Variants in SPINT2 observed in about 807,000 individuals in gnomAD.
SPINT2 encodes the protein kunitz-type protease inhibitor 2.
Under a neutral mutation model 30.1 loss-of-function variants are expected in SPINT2, and 18 were observed. That is an observed-to-expected ratio of 0.60 (90% CI 0.41 to 0.89). The LOEUF (loss-of-function observed/expected upper bound fraction) is 0.89, where lower values mean the gene tolerates loss of function less well. Among genes scored for constraint, SPINT2 ranks in the 40% least tolerant of loss-of-function variants. The probability of loss-of-function intolerance (pLI) is 0.00; values close to 1 mark genes in which losing one functional copy is unlikely to be tolerated. For synonymous variants in SPINT2, 139 were observed against 137.9 expected (o/e 1.01, Z -0.05); for missense variants, 276 against 334.3 (o/e 0.83, Z 1.36).
At chr19:38,280,846 G>A (rs1403853940) in intron 1 of SPINT2, among the ~76,000 whole-genome samples, 2 of 152,192 alleles carry the variant, frequency 1.3e-5, no homozygotes, top group Non-Finnish European at 2.9e-5. Flanking sequence ...CATGCCATAT[G>A]ATTCACCCAT....
In SPINT2 at chr19:38,283,628, C is replaced by T. The variant is rs1968605968; in HGVS notation, c.108C>T (p.Asp36=). Residue 36 remains aspartate, a splice_region_variant and synonymous_variant, in exon 2 of 7, where the codon GAC becomes GAT. Transcript: ENST00000301244. ...ACCGGGTTGTGCTTCGCGTTTCAGA[C>T]TTCTGCCTGGTGTCGAAGGTGGTGG... ...LAADRERSIH[D]FCLVSKVVGR... 4 of 1,614,076 alleles carry T rather than the reference C, an allele frequency of 2.5e-6. No individual in the cohort carries two copies. The highest frequency in any genetic ancestry group is 3.4e-6 in the Non-Finnish European group (4 of 1,180,016).
At position 38,283,526 on chromosome 19, in the gene SPINT2, A is replaced by C. The variant is rs1427150115; in HGVS notation, c.107-101A>C. On this transcript the variant is annotated intron_variant, in intron 1 of 6. Transcript: ENST00000301244. Reference sequence around the variant, plus strand: ...GCTCACAGGGGAACTGCTGGAACTCAAGGCTCTGGTTCTCCTGGGGGATCC... The same window carrying C: ...GCTCACAGGGGAACTGCTGGAACTCCAGGCTCTGGTTCTCCTGGGGGATCC... The C allele has an allele frequency of 1.0e-5, 15 of 1,485,554 alleles. No individual in the cohort carries two copies. In the South Asian group the frequency reaches 1.0e-4, roughly 10 times the overall value. 92.0% of individuals were successfully genotyped at this position (1,485,554 alleles called of 1,614,324 possible).
At chr19:38,288,269 C>A in intron 3 of SPINT2, 1 of 434,288 alleles carries the variant, frequency 2.3e-6, no homozygotes, top group South Asian at 2.1e-5. Flanking sequence ...GCTGACCCCA[C>A]TCCCCACCCA....
chr19:38,268,955 T>C, intron 1 of SPINT2, among the ~76,000 whole-genome samples: 1 of 152,184 alleles, frequency 6.6e-6, no homozygotes, highest in Admixed American at 6.5e-5. Context: ...CTCAGCAGAA[T>C]AGAAACTTGA....
intron 2 of SPINT2, among the ~76,000 whole-genome samples, chr19:38,286,279 C>T (rs1027606633): frequency 1.3e-5 from 2 of 152,176 alleles, no homozygotes; most frequent in Admixed American, 6.5e-5. Context: ...AGCAGGCACT[C>T]GTGTCCCCGG....
chr19:38,291,655 C>T, intron 6 of SPINT2, 185 bp from the exon 7 acceptor site: 2 of 698,166 alleles, frequency 2.9e-6, no homozygotes, highest in Non-Finnish European at 4.7e-6. Flanking sequence ...TTGGGGGACT[C>T]TCCTTGGTGG....
Position 38,290,494 on chromosome 19 carries a change from A to G in SPINT2, c.554-43A>G. On this transcript the variant is annotated intron_variant, in intron 5 of 6. Coordinates refer to ENST00000301244, the MANE Select transcript of SPINT2 (RefSeq NM_021102.4). This position sits in a 1 kb window ranked among gnomAD's most constrained non-coding sequence, Gnocchi z 4.3. ...GGATCCCCTGCGGCAGCTCTGTGGA[A>G]TGGGGGCTGTGAGCTGACCTCAGGC... 6.2e-7 allele frequency: 1 copy of G among 1,613,858 alleles called. No individual in the cohort carries two copies.
Position 38,283,713 on chromosome 19 carries a change from C to G in SPINT2, c.193C>G (p.Leu65Val). The G allele has an allele frequency of 6.2e-7, 1 of 1,613,926 alleles. No individual in the cohort carries two copies. Among genetic ancestry groups the G allele is most frequent in the Non-Finnish European group, 8.5e-7 (1 of 1,180,004 alleles). Reference protein sequence around the residue: ...WYNVTDGSCQLFVYGGCDGNS... With the variant: ...WYNVTDGSCQVFVYGGCDGNS... The stretch of plus-strand genomic sequence containing the variant: ...CAATGTCACTGACGGATCCTGCCAG[C>G]TGTTTGTGTATGGGGGCTGTGACGG... The change falls in exon 2 of 7, where the codon CTG becomes GTG. Residue 65 changes from leucine to valine, a missense_variant. Physicochemically the swap from Leu to Val is conservative, Grantham distance 32. Transcript: ENST00000301244.
intron 1 of SPINT2, among the ~76,000 whole-genome samples, chr19:38,274,812 T>TAAAA (rs35633044): frequency 0.097 from 13,481 of 139,676 alleles, 713 homozygotes; most frequent in East Asian, 0.17. Flanking sequence ...GAGACTGTCT[T>TAAAA]AAAAAAAAAA....
At position 38,269,830 on chromosome 19, in the gene SPINT2, T is replaced by A. The variant is rs4803968; in HGVS notation, c.106+4832T>A. Among the ~76,000 whole-genome samples the A allele has an allele frequency of 3.3e-4, 47 of 142,376 alleles. 1 individual carries two copies. Among genetic ancestry groups the A allele is most frequent in the Admixed American group, 2.2e-3 (31 of 14,414 alleles). 93.4% of individuals were successfully genotyped at this position (142,376 alleles called of 152,430 possible). A position where few individuals can be genotyped will look rare whatever the true frequency, so the allele number is the denominator to read the frequency against. ...TTCACCGTGTTAGCCAGGATGGTCT[T>A]GATCTCCTGACCTTGTGATCTGCCC... is the stretch of plus-strand genomic sequence containing the variant. On this transcript the variant is annotated intron_variant, in intron 1 of 6. Coordinates refer to ENST00000301244, the MANE Select transcript of SPINT2 (RefSeq NM_021102.4).
chr19:38,288,782 C>T (rs1266426101), intron 3 of SPINT2: 1 of 300,786 alleles, frequency 3.3e-6, no homozygotes, highest in East Asian at 7.8e-5. Context: ...TTATCCTCTG[C>T]TAGCCCCCCC....
intron 1 of SPINT2, among the ~76,000 whole-genome samples, chr19:38,275,811 T>C (rs1194030584): frequency 6.6e-6 from 1 of 151,266 alleles, no homozygotes; most frequent in African/African-American, 2.4e-5. Context: ...CACTGCAACC[T>C]GTGCCTCCTG....
intron 1 of SPINT2, among the ~76,000 whole-genome samples, chr19:38,280,233 C>T (rs1365391930): frequency 1.3e-5 from 2 of 152,142 alleles, no homozygotes; most frequent in African/African-American, 4.8e-5. Context: ...AGGGACAGAT[C>T]GTGACCGTGC....
rs1968356100 is a variant in SPINT2 at position 38,264,774 on chromosome 19, A to C, written c.-119A>C. 9.1e-6 allele frequency: 10 copies of C among 1,095,286 alleles called. No individual in the cohort carries two copies. Among genetic ancestry groups the C allele is most frequent in the Non-Finnish European group, 1.3e-5 (10 of 762,788 alleles). 67.8% of individuals were successfully genotyped at this position (1,095,286 alleles called of 1,614,324 possible). ...TTTGGCACCTGGCGGACCCTCCCGG[A>C]GCGTCGGCACCTGAACGCGAGGCGC... On this transcript the variant is annotated 5_prime_UTR_variant, in exon 1 of 7. Coordinates refer to ENST00000301244, the MANE Select transcript of SPINT2 (RefSeq NM_021102.4).
At chr19:38,284,219 G>A (rs1362495919) in intron 2 of SPINT2, among the ~76,000 whole-genome samples, 1 of 151,524 alleles carries the variant, frequency 6.6e-6, no homozygotes, top group African/African-American at 2.4e-5. Flanking sequence ...TCAGCCTCCT[G>A]AGTAGTTGGG....
rs376597873 is a variant in SPINT2 at position 38,290,924 on chromosome 19, G to A, written c.592+349G>A. The A allele has an allele frequency of 2.4e-6, 1 of 416,512 alleles. No homozygotes were observed. Among genetic ancestry groups the A allele is most frequent in the African/African-American group, 2.0e-5 (1 of 49,126 alleles). The allele number at this position is 416,512 out of a possible 1,614,324, so 25.8% of individuals were successfully genotyped here. On this transcript the variant is annotated intron_variant, in intron 6 of 6. Transcript: ENST00000301244. The surrounding 1 kb of genome is among the most constrained non-coding windows in gnomAD (Gnocchi z 4.3). ...TGGGGCATAAGAGTTGGTCACGGGT[G>A]ACAGGACGGAGGACCACGGGCCAGG...
rs528885050 is a variant in SPINT2, at chr19:38,289,417, G to A, written c.391+226G>A. 73 of 441,358 alleles carry A rather than the reference G, an allele frequency of 1.7e-4. 1 individual carries two copies. Among genetic ancestry groups the A allele is most frequent in the Non-Finnish European group, 2.4e-4 (56 of 235,438 alleles). The allele number at this position is 441,358 out of a possible 1,614,324, so 27.3% of individuals were successfully genotyped here. ...GAGAATTGCTCAAAGCCTGGGAGGC[G>A]GAGGGTGCAATGAGCCAAGATTGCG... On this transcript the variant is annotated intron_variant, in intron 4 of 6. Transcript: ENST00000301244.
At position 38,283,626 on chromosome 19, in the gene SPINT2, G is replaced by A. The variant is rs748049749; in HGVS notation, c.107-1G>A. 1.9e-6 allele frequency: 3 copies of A among 1,613,928 alleles called. No homozygotes were observed. Among genetic ancestry groups the A allele is most frequent in the Non-Finnish European group, 1.7e-6 (2 of 1,180,008 alleles). On this transcript the variant is annotated splice_acceptor_variant, in intron 1 of 6. Transcript: ENST00000301244. LOFTEE classifies it high-confidence loss of function. ...TAACCGGGTTGTGCTTCGCGTTTCAGACTTCTGCCTGGTGTCGAAGGTGGT... is the reference window on the plus strand; with the variant it reads ...TAACCGGGTTGTGCTTCGCGTTTCAAACTTCTGCCTGGTGTCGAAGGTGGT...
chr19:38,274,812 TAA>T (rs35633044), intron 1 of SPINT2, among the ~76,000 whole-genome samples: 2 of 139,956 alleles, frequency 1.4e-5, no homozygotes, highest in African/African-American at 2.6e-5. Flanking sequence ...GAGACTGTCT[TAA>T]AAAAAAAAAA....
Sources: allele counts gnomAD v4.1 joint callset (sites outside exome capture counted in the v4.1 genomes callset), GRCh38; gene constraint gnomAD v4.1.1; non-coding constraint Gnocchi (gnomAD v3.1); transcripts MANE v1.5; gene names NCBI Gene and HGNC (gene_info 2026-07-23, HGNC 2026-07-21).